The following ZC3H15 variants were observed in gnomAD, a reference collection of about 807,000 sequenced individuals.
The protein encoded by ZC3H15 is zinc finger CCCH domain-containing protein 15.
A neutral mutation model predicts 51.2 loss-of-function variants in ZC3H15; 15 were observed. The observed-to-expected ratio is 0.29, with a 90% CI of 0.20 to 0.45. The LOEUF is 0.45. ZC3H15 is among the 20% of genes least tolerant of loss of function. The pLI is 1.00. For synonymous variants in ZC3H15, 144 were observed against 162.8 expected, an observed-to-expected ratio of 0.88 and a Z score of 0.88; for missense variants, 381 against 494.7, an observed-to-expected ratio of 0.77 and a Z score of 2.18.
At chr2:186,504,353 T>A in intron 6 of ZC3H15, 139 bp downstream of exon 6, 1 of 667,914 alleles carries the variant, frequency 1.5e-6, no homozygotes, top group Non-Finnish European at 2.3e-6. Flanking sequence ...TGCCCTACTT[T>A]AATTATTCTT....
At chr2:186,492,615 G>C (rs1338621906) in intron 1 of ZC3H15, among the ~76,000 whole-genome samples, 1 of 152,154 alleles carries the variant, frequency 6.6e-6, no homozygotes, top group African/African-American at 2.4e-5. Context: ...AAAACCCTCT[G>C]TACTTTTTTG....
chr2:186,494,436 G>A (rs983771841), intron 1 of ZC3H15, among the ~76,000 whole-genome samples: 3 of 152,036 alleles, frequency 2.0e-5, no homozygotes, highest in Non-Finnish European at 4.4e-5. Context: ...GTTCAGTATC[G>A]TATAACCTCT....
At chr2:186,494,667 G>T (rs1463619471) in intron 1 of ZC3H15, among the ~76,000 whole-genome samples, 1 of 152,124 alleles carries the variant, frequency 6.6e-6, no homozygotes, top group Non-Finnish European at 1.5e-5. Context: ...ATATGCTTTA[G>T]AAAAAGCTTC....
At chr2:186,490,600 C>A (rs111870943) in intron 1 of ZC3H15, among the ~76,000 whole-genome samples, 1,827 of 152,294 alleles carry the variant, frequency 0.012, 33 homozygotes, top group African/African-American at 0.042. Flanking sequence ...ACCGTGACAG[C>A]TTCTGCCTAC....
At chr2:186,486,494 C>A (rs778384137) in intron 1 of ZC3H15, 37 bp downstream of exon 1, 2 of 1,517,100 alleles carry the variant, frequency 1.3e-6, no homozygotes, top group Non-Finnish European at 1.8e-6. Flanking sequence ...CGCCGCGAGC[C>A]CTCCGGAAAG....
intron 1 of ZC3H15, among the ~76,000 whole-genome samples, chr2:186,494,232 T>G (rs565193930): frequency 6.6e-6 from 1 of 152,296 alleles, no homozygotes; most frequent in South Asian, 2.1e-4. Flanking sequence ...TATTCCAGAT[T>G]TAAAGAAAAT....
chr2:186,507,994 A>G (rs1325847933), intron 9 of ZC3H15, among the ~76,000 whole-genome samples: 4 of 152,182 alleles, frequency 2.6e-5, no homozygotes, highest in African/African-American at 9.6e-5. Flanking sequence ...AAGAAAAGGC[A>G]GCATTTTTTT....
At chr2:186,503,728 C>G (rs1262250181) in intron 5 of ZC3H15, among the ~76,000 whole-genome samples, 1 of 152,108 alleles carries the variant, frequency 6.6e-6, no homozygotes, top group Non-Finnish European at 1.5e-5. Flanking sequence ...CGGGGGCGTA[C>G]ATTTACAAAG....
intron 1 of ZC3H15, 85 bp downstream of exon 1, chr2:186,486,542 G>C (rs1574419617): frequency 2.1e-6 from 3 of 1,415,326 alleles, no homozygotes; most frequent in Non-Finnish European, 2.9e-6. Flanking sequence ...GAGCCGGCTC[G>C]CTTCCTCGGG....
At position 186,486,411 on chromosome 2, in the gene ZC3H15, G is replaced by T; in HGVS notation, c.29G>T (p.Gly10Val). Residue 10 changes from glycine (G) to valine (V), a missense_variant, in exon 1 of 10, where the codon GGG becomes GTG. Coordinates refer to ENST00000337859, the MANE Select transcript of ZC3H15 (RefSeq NM_018471.3). ...CCCCCCAAGAAACAGGCTCAGGCCG[G>T]GGGCAGCAAAAAGGCGGAGCAAAAA... Reference protein sequence around the residue: MPPKKQAQAGGSKKAEQKKK... With the variant: MPPKKQAQAVGSKKAEQKKK... 1 of 1,561,968 alleles carries T rather than the reference G, an allele frequency of 6.4e-7. No homozygotes were observed. The highest frequency in any genetic ancestry group is 2.4e-5 in the East Asian group (1 of 42,008).
intron 2 of ZC3H15, among the ~76,000 whole-genome samples, chr2:186,498,135 T>C (rs1685313129): frequency 6.6e-6 from 1 of 152,156 alleles, no homozygotes; most frequent in Admixed American, 6.5e-5. Context: ...ATGTCTGAGG[T>C]AGCCAAGAGA....
chr2:186,503,272 T>A (rs1225816626), intron 5 of ZC3H15, among the ~76,000 whole-genome samples: 1 of 152,244 alleles, frequency 6.6e-6, no homozygotes, highest in Non-Finnish European at 1.5e-5. Context: ...TCTATCCATG[T>A]TGTGAAGGGT....
chr2:186,503,121 A>G (rs1376666650), intron 5 of ZC3H15, among the ~76,000 whole-genome samples: 1 of 152,224 alleles, frequency 6.6e-6, no homozygotes, highest in East Asian at 1.9e-4. Context: ...AAGTTACAGT[A>G]AAAAGTCTTG....
intron 1 of ZC3H15, among the ~76,000 whole-genome samples, chr2:186,494,540 C>CACT (rs1163182306): frequency 1.3e-5 from 2 of 152,134 alleles, no homozygotes; most frequent in Non-Finnish European, 2.9e-5. Flanking sequence ...CTGTAAGATA[C>CACT]CTTGTGCTTA....
At chr2:186,489,805 G>A (rs1347929191) in intron 1 of ZC3H15, among the ~76,000 whole-genome samples, 1 of 152,150 alleles carries the variant, frequency 6.6e-6, no homozygotes, top group Non-Finnish European at 1.5e-5. Context: ...TCAGAGACCT[G>A]GGTTTGAGTC....
At chr2:186,500,145 C>G in intron 2 of ZC3H15, 37 bp from the exon 3 acceptor site, 1 of 1,554,682 alleles carries the variant, frequency 6.4e-7, no homozygotes, top group Non-Finnish European at 8.7e-7. Flanking sequence ...ATTTTGTAAA[C>G]AATCAAATTT....
At chr2:186,507,087 C>G (rs990121330) in intron 9 of ZC3H15, among the ~76,000 whole-genome samples, 7 of 152,074 alleles carry the variant, frequency 4.6e-5, no homozygotes, top group African/African-American at 1.7e-4. Flanking sequence ...GAGTTCACTT[C>G]GGGACCTCAT....
At chr2:186,494,629 T>C (rs1023435641) in intron 1 of ZC3H15, among the ~76,000 whole-genome samples, 1 of 152,220 alleles carries the variant, frequency 6.6e-6, no homozygotes, top group African/African-American at 2.4e-5. Flanking sequence ...ATAAGAACTT[T>C]GCACATCCCA....
intron 4 of ZC3H15, 119 bp from the exon 5 acceptor site, chr2:186,502,377 A>T: frequency 1.2e-6 from 1 of 827,422 alleles, no homozygotes; most frequent in Non-Finnish European, 1.8e-6. Context: ...CTCAACAAAA[A>T]GAAAAAGAAA....
Sources: gnomAD v4.1 joint callset for allele counts (sites outside exome capture counted in the v4.1 genomes callset) on GRCh38, gnomAD v4.1.1 for gene constraint, MANE v1.5 for transcripts, NCBI Gene and HGNC (gene_info 2026-07-23, HGNC 2026-07-21) for gene names.